Variants in B4GALT6 observed in about 807,000 individuals in gnomAD.
The protein encoded by B4GALT6 is UDP-Gal:beta-GlcNAc beta-1,4-galactosyltransferase 6.
B4GALT6 carries 14 observed loss-of-function variants against 46.3 expected under a neutral mutation model. That is an observed-to-expected ratio of 0.30 (90% CI 0.20 to 0.47). The LOEUF (loss-of-function observed/expected upper bound fraction) is 0.47, where lower values mean the gene tolerates loss of function less well. Ranked by LOEUF, B4GALT6 falls within the 20% of genes least tolerant of loss-of-function variation. The probability of loss-of-function intolerance (pLI) is 0.99; values close to 1 mark genes in which losing one functional copy is unlikely to be tolerated. For synonymous variants in B4GALT6, 168 were observed against 162.0 expected (o/e 1.04, Z -0.28); for missense variants, 386 against 480.1 (o/e 0.80, Z 1.83).
At chr18:31,700,383 G>A in the B4GALT6 span, among the ~76,000 whole-genome samples, 1 of 151,846 alleles carries the variant, frequency 6.6e-6, no homozygotes, top group Admixed American at 6.6e-5. Context: ...CTCTGTGAAA[G>A]AGAATATACT....
the B4GALT6 span, among the ~76,000 whole-genome samples, chr18:31,691,219 A>T: frequency 4.6e-5 from 7 of 150,862 alleles, no homozygotes; most frequent in African/African-American, 1.7e-4. Context: ...CCTAGAACCT[A>T]GTACAAAAAC....
upstream of B4GALT6, chr18:31,686,727 A>G (rs2029935833): frequency 6.6e-6 from 1 of 152,240 alleles, no homozygotes; most frequent in Admixed American, 6.5e-5. Flanking sequence ...AAATAAAGAA[A>G]AACAAAATCT....
chr18:31,632,128 A>T (rs2073798646), intron 5 of B4GALT6, among the ~76,000 whole-genome samples: 2 of 152,210 alleles, frequency 1.3e-5, no homozygotes, highest in Admixed American at 6.5e-5. Flanking sequence ...TCTAAAATAT[A>T]TTAAAAAAAG....
At chr18:31,634,034 C>T (rs561685351) in intron 5 of B4GALT6, among the ~76,000 whole-genome samples, 1 of 152,262 alleles carries the variant, frequency 6.6e-6, no homozygotes, top group East Asian at 1.9e-4. Context: ...AATATCAGAT[C>T]TGGACTCTTT....
chr18:31,688,831 ATCAGCCTACT>A (rs2030016521), upstream of B4GALT6, among the ~76,000 whole-genome samples: 1 of 152,372 alleles, frequency 6.6e-6, no homozygotes, highest in East Asian at 1.9e-4. Flanking sequence ...CCCAGATGTT[ATCAGCCTACT>A]TCAGTGCCCT....
chr18:31,713,935 T>G, the B4GALT6 span, among the ~76,000 whole-genome samples: 5 of 152,230 alleles, frequency 3.3e-5, no homozygotes, highest in Non-Finnish European at 7.3e-5. Flanking sequence ...CAAGTTTTCA[T>G]TTGAAATCTC....
At chr18:31,658,710 C>T (rs2074174139) in intron 2 of B4GALT6, among the ~76,000 whole-genome samples, 1 of 152,188 alleles carries the variant, frequency 6.6e-6, no homozygotes, top group Admixed American at 6.5e-5. Flanking sequence ...AGTCAAATGC[C>T]TGAGTTCAAA....
At chr18:31,657,831 TA>T (rs1283593879) in intron 3 of B4GALT6, 144 bp downstream of exon 3, 24 of 492,278 alleles carry the variant, frequency 4.9e-5, no homozygotes, top group Admixed American at 7.6e-5. Context: ...AATAAATAAA[TA>T]AAAGTTCAAA....
intron 1 of B4GALT6, among the ~76,000 whole-genome samples, chr18:31,673,508 G>GC (rs1471225336): frequency 6.6e-6 from 1 of 152,118 alleles, no homozygotes; most frequent in Non-Finnish European, 1.5e-5. Flanking sequence ...GGGGGACAAA[G>GC]TGGAAGGCAA....
intron 3 of B4GALT6, among the ~76,000 whole-genome samples, chr18:31,652,611 A>C (rs1464876077): frequency 1.3e-5 from 2 of 152,188 alleles, no homozygotes; most frequent in Non-Finnish European, 2.9e-5. Context: ...TGAACTTCAA[A>C]CAAAACGGCC....
intron 3 of B4GALT6, among the ~76,000 whole-genome samples, chr18:31,655,321 A>G (rs1310975745): frequency 6.6e-6 from 1 of 152,262 alleles, no homozygotes; most frequent in African/African-American, 2.4e-5. Context: ...AATTGGGCAC[A>G]AAATTGGGAC....
chr18:31,628,361 T>C (rs908054267), intron 6 of B4GALT6, among the ~76,000 whole-genome samples: 1 of 152,154 alleles, frequency 6.6e-6, no homozygotes, highest in African/African-American at 2.4e-5. Flanking sequence ...CCCAGGCTAG[T>C]AGTTTAGGAA....
At chr18:31,684,662 T>G (rs1030747167), upstream of B4GALT6, 109 of 362,420 alleles carry the variant, frequency 3.0e-4, no homozygotes, top group Admixed American at 3.6e-3. Flanking sequence ...GGACAAGAGG[T>G]GGAGGGGGGA....
In B4GALT6 at chr18:31,627,040, G is replaced by C. The variant is rs1237865576; in HGVS notation, c.858C>G (p.Ala286=). 1.2e-6 allele frequency: 2 copies of C among 1,611,166 alleles called. No homozygotes were observed. Among genetic ancestry groups the C allele is most frequent in the African/African-American group, 2.7e-5 (2 of 74,800 alleles). Residue 286 remains alanine (A), a synonymous_variant, in exon 7 of 9, where the codon GCC becomes GCG. Coordinates refer to ENST00000306851, the MANE Select transcript of B4GALT6 (RefSeq NM_004775.5). The part of the protein sequence containing the change: ...QFRKINGFPN[A]FWGWGGEDDD... ...CATCTTCTCCTCCCCATCCCCAGAA[G>C]GCATTAGGAAAACCATTGATCTTTC... is the stretch of plus-strand genomic sequence containing the variant.
At chr18:31,708,176 T>C in the B4GALT6 span, among the ~76,000 whole-genome samples, 1 of 152,316 alleles carries the variant, frequency 6.6e-6, no homozygotes, top group East Asian at 1.9e-4. Flanking sequence ...TTTAGGAGTG[T>C]TTGGAGGAGA....
At chr18:31,677,389 C>T (rs1347140197) in intron 1 of B4GALT6, among the ~76,000 whole-genome samples, 2 of 152,162 alleles carry the variant, frequency 1.3e-5, no homozygotes, top group African/African-American at 4.8e-5. Context: ...GCAGTCTAAC[C>T]ATGAAACATA....
the B4GALT6 span, among the ~76,000 whole-genome samples, chr18:31,706,475 A>G: frequency 0.013 from 1,918 of 152,206 alleles, 45 homozygotes; most frequent in African/African-American, 0.043. Flanking sequence ...TACTAAAAAT[A>G]CAAAAATTAG....
chr18:31,715,405 T>G, the B4GALT6 span, among the ~76,000 whole-genome samples: 6 of 151,930 alleles, frequency 3.9e-5, no homozygotes, highest in Non-Finnish European at 5.9e-5. Context: ...TGTTTAAACT[T>G]TTTTGTAGAG....
At chr18:31,680,527 A>T (rs1262714502) in intron 1 of B4GALT6, among the ~76,000 whole-genome samples, 1 of 152,198 alleles carries the variant, frequency 6.6e-6, no homozygotes, top group Non-Finnish European at 1.5e-5. Context: ...AGAGGAAGTC[A>T]GACCAAAGTG....
Sources: allele counts gnomAD v4.1 joint callset (sites outside exome capture counted in the v4.1 genomes callset), GRCh38; gene constraint gnomAD v4.1.1; transcripts MANE v1.5; gene names NCBI Gene and HGNC (gene_info 2026-07-23, HGNC 2026-07-21).